The following CNNM4 variants were observed in gnomAD, a reference collection of about 807,000 sequenced individuals.
CNNM4 encodes the protein cyclin and CBS domain divalent metal cation transport mediator 4, also known as metal transporter CNNM4.
Under a neutral mutation model 53.7 loss-of-function variants are expected in CNNM4, and 32 were observed. The observed-to-expected ratio is 0.60, with a 90% CI of 0.45 to 0.80. CNNM4 has a LOEUF of 0.80. CNNM4 is among the 30% of genes least tolerant of loss of function. The probability of loss-of-function intolerance (pLI) is 0.00; values close to 1 mark genes in which losing one functional copy is unlikely to be tolerated. For missense variants in CNNM4, 784 were observed against 1,022.0 expected (o/e 0.77, Z 3.17); for synonymous variants, 410 against 440.0 (o/e 0.93, Z 0.85).
In CNNM4 at chr2:96,808,869, C is replaced by T; in HGVS notation, c.2130+127C>T. 2 of 950,532 alleles carry T rather than the reference C, an allele frequency of 2.1e-6. No individual in the cohort carries two copies. The highest frequency in any genetic ancestry group is 3.3e-6 in the Non-Finnish European group (2 of 610,148). 58.9% of individuals were successfully genotyped at this position (950,532 alleles called of 1,614,324 possible). A position where few individuals can be genotyped will look rare whatever the true frequency, so the allele number is the denominator to read the frequency against. The stretch of plus-strand genomic sequence containing the variant: ...TGCCTTTTTCTTCTGGAGATGGGGT[C>T]TTGCTCTGTCGCCCAGGCTGGAATG... On this transcript the variant is annotated intron_variant, in intron 6 of 6. Transcript: ENST00000377075. This position sits in a 1 kb window ranked among gnomAD's most constrained non-coding sequence, Gnocchi z 4.9.
At position 96,801,096 on chromosome 2, in the gene CNNM4, C is replaced by T. The variant is rs2079153670; in HGVS notation, c.1948+1448C>T. On this transcript the variant is annotated intron_variant, in intron 5 of 6. Transcript: ENST00000377075. The surrounding 1 kb of genome is among the most constrained non-coding windows in gnomAD (Gnocchi z 5.6). ...GTGCCTTCAGTCCAGGTCGGGTGTC[C>T]GCCTGGCAAGCGGAACTCCCTGCTC... 3.2e-5 allele frequency: 32 copies of T among 985,276 alleles called. No homozygotes were observed. The highest frequency in any genetic ancestry group is 3.9e-5 in the Non-Finnish European group (32 of 829,926). The allele number at this position is 985,276 out of a possible 1,614,324, so 61.0% of individuals were successfully genotyped here. A position where few individuals can be genotyped will look rare whatever the true frequency, so the allele number is the denominator to read the frequency against.
chr2:96,803,233 A>C (rs970481007), intron 5 of CNNM4, among the ~76,000 whole-genome samples: 14 of 152,140 alleles, frequency 9.2e-5, no homozygotes, highest in East Asian at 3.9e-4. Context: ...GAGGTGATGC[A>C]CCTGTGGTTT....
At chr2:96,788,536 G>A (rs1223068730) in intron 1 of CNNM4, 3 of 152,282 alleles carry the variant, frequency 2.0e-5, no homozygotes, top group East Asian at 3.9e-4. Flanking sequence ...CTTCTTGCTG[G>A]GCTGGCTGCC....
In CNNM4 at chr2:96,808,731, C is replaced by G. The variant is rs774796340; in HGVS notation, c.2119C>G (p.Gln707Glu). The G allele has an allele frequency of 6.2e-7, 1 of 1,614,112 alleles. No homozygotes were observed. Residue 707 changes from glutamine to glutamate, a missense_variant, in exon 6 of 7, where the codon CAG becomes GAG. Gln to Glu is a conservative substitution (Grantham distance 29). Around this residue, in one of 3 missense-constraint regions of CNNM4, gnomAD observed 307 missense variants for 376.3 expected, o/e 0.82. Coordinates refer to ENST00000377075, the MANE Select transcript of CNNM4 (RefSeq NM_020184.4). This position sits in a 1 kb window ranked among gnomAD's most constrained non-coding sequence, Gnocchi z 4.9. Reference sequence around the variant, plus strand: ...CAGCGTCCGGGCACTCGTGGACTTGCAGTACATCAAGGTGAGTGCCTCACT... The same window carrying G: ...CAGCGTCCGGGCACTCGTGGACTTGGAGTACATCAAGGTGAGTGCCTCACT... ...DFSVRALVDL[Q>E]YIKITRQQYQ... is the part of the protein sequence containing the mutation.
intron 1 of CNNM4, among the ~76,000 whole-genome samples, chr2:96,784,221 C>T (rs183760039): frequency 5.5e-4 from 83 of 152,076 alleles, no homozygotes; most frequent in Non-Finnish European, 8.8e-4. Flanking sequence ...GAGCTAGGAT[C>T]GTGCCACTGC....
At chr2:96,787,594 AC>A (rs1274805459) in intron 1 of CNNM4, among the ~76,000 whole-genome samples, 4 of 152,174 alleles carry the variant, frequency 2.6e-5, no homozygotes, top group Non-Finnish European at 4.4e-5. Flanking sequence ...ATGGTGACTC[AC>A]GCCTACAGTC....
intron 1 of CNNM4, among the ~76,000 whole-genome samples, chr2:96,792,061 C>G (rs1285615179): frequency 6.6e-6 from 1 of 151,772 alleles, no homozygotes; most frequent in Non-Finnish European, 1.5e-5. Context: ...GGAGAGTAGC[C>G]TGGCCAACAT....
At position 96,799,052 on chromosome 2, in the gene CNNM4, T is replaced by C. The variant is rs1031701054; in HGVS notation, c.1682-5T>C. 3.7e-6 allele frequency: 6 copies of C among 1,613,828 alleles called. No homozygotes were observed. Among genetic ancestry groups the C allele is most frequent in the Non-Finnish European group, 4.2e-6 (5 of 1,179,922 alleles). ...GTGTGAGGTCTCTTCTCTCTCCTCC[T>C]ACAGAGGTCTCTCAGTTTAGCCCCT... is the stretch of plus-strand genomic sequence containing the variant. On this transcript the variant is annotated splice_polypyrimidine_tract_variant and splice_region_variant and intron_variant, in intron 3 of 6. Transcript: ENST00000377075.
Position 96,797,257 on chromosome 2 carries a change from A to G in CNNM4, c.1546+102A>G. 1 of 1,523,128 alleles carries G rather than the reference A, an allele frequency of 6.6e-7. No individual in the cohort carries two copies. 94.4% of individuals were successfully genotyped at this position (1,523,128 alleles called of 1,614,324 possible). ...CATAGTGCAGGGACACAGGAGGCCT[A>G]GCATCCAGAGGCCCAGTGGCTGGGT... On this transcript the variant is annotated intron_variant, in intron 2 of 6. Transcript: ENST00000377075. The surrounding 1 kb of genome is among the most constrained non-coding windows in gnomAD (Gnocchi z 6.0).
Position 96,761,647 on chromosome 2 carries a change from C to T in CNNM4, c.648C>T (p.Ile216=), listed in dbSNP as rs1203599578. ...CCCTGGACCCCATGGAGCTGCGCATCGTGCAGAACTGTGGCACCGAGAAGG... is the reference window on the plus strand; with the variant it reads ...CCCTGGACCCCATGGAGCTGCGCATTGTGCAGAACTGTGGCACCGAGAAGG... ...LMALDPMELR[I]VQNCGTEKER... is the part of the protein sequence containing the mutation. The change falls in exon 1 of 7, where the codon ATC becomes ATT. Residue 216 remains isoleucine, a synonymous_variant. Transcript: ENST00000377075. The surrounding 1 kb of genome is among the most constrained non-coding windows in gnomAD (Gnocchi z 6.0). 4 of 1,613,240 alleles carry T rather than the reference C, an allele frequency of 2.5e-6. No homozygotes were observed. Among genetic ancestry groups the T allele is most frequent in the Admixed American group, 3.3e-5 (2 of 60,030 alleles).
intron 1 of CNNM4, among the ~76,000 whole-genome samples, chr2:96,773,119 G>A (rs1157399185): frequency 3.3e-5 from 5 of 152,172 alleles, no homozygotes; most frequent in Admixed American, 1.3e-4. Flanking sequence ...GCCTTAAACC[G>A]AAACCTATTT....
chr2:96,801,705 C>T lies in CNNM4; in HGVS notation c.1948+2057C>T, dbSNP rs529855854. Among the ~76,000 whole-genome samples, 1 of 145,158 alleles carries T rather than the reference C, an allele frequency of 6.9e-6. No individual in the cohort carries two copies. Among genetic ancestry groups the T allele is most frequent in the African/African-American group, 2.7e-5 (1 of 36,668 alleles). On this transcript the variant is annotated intron_variant, in intron 5 of 6. Transcript: ENST00000377075. The surrounding 1 kb of genome is among the most constrained non-coding windows in gnomAD (Gnocchi z 5.6). ...CACACGCAGAGAGACCACACACACGCAGAGAGACCACACACATGCAGAGAC... is the reference window on the plus strand; with the variant it reads ...CACACGCAGAGAGACCACACACACGTAGAGAGACCACACACATGCAGAGAC...
At position 96,801,594 on chromosome 2, in the gene CNNM4, CCACA is replaced by C. The variant is rs755817726; in HGVS notation, c.1948+1953_1948+1956del. The stretch of plus-strand genomic sequence containing the variant: ...CAGAGATAGCACACACACAGAGAGA[CCACA>C]CACACAGAGACCACACACAGAGACC... On this transcript the variant is annotated intron_variant, in intron 5 of 6. Coordinates refer to ENST00000377075, the MANE Select transcript of CNNM4 (RefSeq NM_020184.4). This position sits in a 1 kb window ranked among gnomAD's most constrained non-coding sequence, Gnocchi z 5.6. Among the ~76,000 whole-genome samples, 1 of 140,616 alleles carries C rather than the reference CCACA, an allele frequency of 7.1e-6. No homozygotes were observed. The highest frequency in any genetic ancestry group is 2.3e-4 in the South Asian group (1 of 4,330). 92.2% of individuals were successfully genotyped at this position (140,616 alleles called of 152,430 possible). A position where few individuals can be genotyped will look rare whatever the true frequency, so the allele number is the denominator to read the frequency against.
Position 96,761,255 on chromosome 2 carries a change from A to G in CNNM4, c.256A>G (p.Ile86Val), listed in dbSNP as rs2153341410. The change falls in exon 1 of 7, where the codon ATC becomes GTC. Residue 86 changes from isoleucine to valine, a missense_variant. By Grantham distance (29) the Ile-to-Val change is conservative (BLOSUM62 3). Transcript: ENST00000377075. This position sits in a 1 kb window ranked among gnomAD's most constrained non-coding sequence, Gnocchi z 6.0. ...LRLYGYSLGN[I>V]SSNLISFTEV... ...GCTGTACGGCTACAGCCTGGGCAAC[A>G]TCTCCAGCAACCTGATCTCCTTCAC... 6.2e-7 allele frequency: 1 copy of G among 1,614,130 alleles called. No homozygotes were observed. Among genetic ancestry groups the G allele is most frequent in the Non-Finnish European group, 8.5e-7 (1 of 1,180,018 alleles).
chr2:96,806,290 A>G (rs996676856), intron 5 of CNNM4, among the ~76,000 whole-genome samples: 11 of 152,130 alleles, frequency 7.2e-5, no homozygotes, highest in African/African-American at 1.4e-4. Context: ...CTACATAAAC[A>G]TGAAACCACT....
chr2:96,799,269 C>T (rs769680957), intron 4 of CNNM4, 43 bp downstream of exon 4: 5 of 1,610,354 alleles, frequency 3.1e-6, no homozygotes, highest in Non-Finnish European at 4.2e-6. Context: ...CTCCCCCTGG[C>T]ACTGCAGCAA....
At chr2:96,776,462 C>T (rs2153345937) in intron 1 of CNNM4, among the ~76,000 whole-genome samples, 1 of 152,202 alleles carries the variant, frequency 6.6e-6, no homozygotes, top group South Asian at 2.1e-4. Context: ...GTTATGTGTT[C>T]TTTATGCTTG....
intron 4 of CNNM4, 59 bp from the exon 5 acceptor site, chr2:96,799,493 G>A: frequency 6.9e-7 from 1 of 1,447,878 alleles, no homozygotes. Flanking sequence ...TCCCCATCCT[G>A]CCTCATCCTT....
In CNNM4 at chr2:96,800,564, T is replaced by C. The variant is rs774736811; in HGVS notation, c.1948+916T>C. 2.6e-5 allele frequency among the ~76,000 whole-genome samples: 4 copies of C among 151,968 alleles called. No individual in the cohort carries two copies. The highest frequency in any genetic ancestry group is 5.9e-5 in the Non-Finnish European group (4 of 67,992). On this transcript the variant is annotated intron_variant, in intron 5 of 6. Coordinates refer to ENST00000377075, the MANE Select transcript of CNNM4 (RefSeq NM_020184.4). The surrounding 1 kb of genome is among the most constrained non-coding windows in gnomAD (Gnocchi z 4.6). Reference sequence around the variant, plus strand: ...GTCCTCGGCCCCTCCACCAGATGAGTGGGGCATGGCAGGCTCCCTGGGCAG... The same window carrying C: ...GTCCTCGGCCCCTCCACCAGATGAGCGGGGCATGGCAGGCTCCCTGGGCAG...
Sources: allele counts gnomAD v4.1 joint callset (sites outside exome capture counted in the v4.1 genomes callset), GRCh38; gene constraint gnomAD v4.1.1; regional missense constraint gnomAD v4.1.1; non-coding constraint Gnocchi (gnomAD v3.1); transcripts MANE v1.5; gene names NCBI Gene and HGNC (gene_info 2026-07-23, HGNC 2026-07-21).